The following FRMD4A variants were observed in gnomAD, a reference collection of about 807,000 sequenced individuals.
The protein encoded by FRMD4A is FERM domain-containing protein 4A.
In FRMD4A, 29 loss-of-function variants were observed where a neutral mutation model predicts 129.1. The observed-to-expected ratio is 0.22, with a 90% CI of 0.17 to 0.31. The LOEUF is 0.31. Among genes scored for constraint, FRMD4A ranks in the 10% least tolerant of loss-of-function variants. The pLI, the probability that FRMD4A is intolerant of heterozygous loss-of-function variation, is 1.00. For missense variants in FRMD4A, 1,272 were observed against 1,375.8 expected, an observed-to-expected ratio of 0.92 and a Z score of 1.19; for synonymous variants, 634 against 571.6, an observed-to-expected ratio of 1.11 and a Z score of -1.56.
At chr10:14,029,381 CTGAAAA>C (rs964093331) in intron 2 of FRMD4A, among the ~76,000 whole-genome samples, 1 of 151,942 alleles carries the variant, frequency 6.6e-6, no homozygotes, top group Non-Finnish European at 1.5e-5. Flanking sequence ...TTCTGCAGCC[CTGAAAA>C]TGAATCATCT....
intron 18 of FRMD4A, among the ~76,000 whole-genome samples, chr10:13,664,574 T>C (rs571027449): frequency 1.3e-5 from 2 of 152,354 alleles, no homozygotes; most frequent in South Asian, 4.1e-4. Context: ...TTCGGCATCT[T>C]GGAATCTTCA....
chr10:14,311,395 G>A (rs1407698164), intron 2 of FRMD4A, among the ~76,000 whole-genome samples: 2 of 152,150 alleles, frequency 1.3e-5, no homozygotes, highest in South Asian at 2.1e-4. Context: ...CAATTCAACC[G>A]GCTGAGTGTG....
intron 16 of FRMD4A, among the ~76,000 whole-genome samples, chr10:13,673,649 T>C (rs1427124762): frequency 6.6e-6 from 1 of 151,926 alleles, no homozygotes; most frequent in East Asian, 1.9e-4. Flanking sequence ...TTCAAACACT[T>C]CTAACAAATA....
At chr10:14,209,840 A>G (rs1158594209) in intron 2 of FRMD4A, among the ~76,000 whole-genome samples, 2 of 152,084 alleles carry the variant, frequency 1.3e-5, no homozygotes, top group African/African-American at 4.8e-5. Flanking sequence ...GTGAGCTGTG[A>G]TCATGCCACT....
chr10:14,176,254 C>G (rs1372376836), intron 2 of FRMD4A, among the ~76,000 whole-genome samples: 1 of 152,064 alleles, frequency 6.6e-6, no homozygotes, highest in Non-Finnish European at 1.5e-5. Context: ...CTCATCAAGC[C>G]CTTCCATCTA....
chr10:14,271,824 A>G (rs1589250868), intron 2 of FRMD4A, among the ~76,000 whole-genome samples: 1 of 152,328 alleles, frequency 6.6e-6, no homozygotes, highest in Non-Finnish European at 1.5e-5. Flanking sequence ...TGCACGTCAT[A>G]AGCACTTAGC....
chr10:14,241,960 G>A (rs1004653756), intron 2 of FRMD4A, among the ~76,000 whole-genome samples: 1 of 152,034 alleles, frequency 6.6e-6, no homozygotes, highest in African/African-American at 2.4e-5. Flanking sequence ...TGCTTTGCCT[G>A]TAACACTGAG....
At chr10:13,816,952 G>C (rs1297041635) in intron 3 of FRMD4A, among the ~76,000 whole-genome samples, 1 of 152,226 alleles carries the variant, frequency 6.6e-6, no homozygotes, top group Non-Finnish European at 1.5e-5. Flanking sequence ...TTACATCTAA[G>C]ACTGGCTTTC....
chr10:14,208,627 C>T (rs12262078), intron 2 of FRMD4A, among the ~76,000 whole-genome samples: 1 of 152,026 alleles, frequency 6.6e-6, no homozygotes, highest in Non-Finnish European at 1.5e-5. Flanking sequence ...TCCTGGTAGG[C>T]CACTCACCCC....
intron 6 of FRMD4A, among the ~76,000 whole-genome samples, chr10:13,766,436 T>A (rs1355200785): frequency 6.6e-6 from 1 of 152,182 alleles, no homozygotes. Flanking sequence ...GATTAAAGAT[T>A]CAAGCGCCCC....
chr10:13,999,976 A>G (rs2095635956), intron 2 of FRMD4A, among the ~76,000 whole-genome samples: 1 of 152,254 alleles, frequency 6.6e-6, no homozygotes, highest in African/African-American at 2.4e-5. Context: ...CATTCACTCA[A>G]TAAACACTTG....
chr10:13,779,513 T>C (rs151060611), intron 6 of FRMD4A, among the ~76,000 whole-genome samples: 43 of 152,264 alleles, frequency 2.8e-4, no homozygotes, highest in Non-Finnish European at 4.9e-4. Flanking sequence ...TTCTAACTAA[T>C]CCTCACACTT....
intron 2 of FRMD4A, among the ~76,000 whole-genome samples, chr10:14,324,261 T>C (rs114221815): frequency 6.6e-6 from 1 of 152,344 alleles, no homozygotes; most frequent in African/African-American, 2.4e-5. Context: ...AAATAGTAAC[T>C]AAAAATATTA....
chr10:13,810,103 G>C (rs2093420944), intron 4 of FRMD4A, among the ~76,000 whole-genome samples: 1 of 152,216 alleles, frequency 6.6e-6, no homozygotes, highest in Non-Finnish European at 1.5e-5. Context: ...GAGTCTGTGT[G>C]TGTGTTTGTG....
chr10:14,225,947 T>C (rs1005375742), intron 2 of FRMD4A, among the ~76,000 whole-genome samples: 1 of 152,176 alleles, frequency 6.6e-6, no homozygotes, highest in African/African-American at 2.4e-5. Flanking sequence ...GACCTCTGGG[T>C]GGCCAGATAT....
chr10:14,132,265 G>C (rs1287964331), intron 2 of FRMD4A, among the ~76,000 whole-genome samples: 2 of 152,142 alleles, frequency 1.3e-5, no homozygotes, highest in Non-Finnish European at 2.9e-5. Flanking sequence ...TCCAGCCTGG[G>C]TGACAGAGCT....
chr10:13,815,041 C>G (rs1225772419), intron 3 of FRMD4A, among the ~76,000 whole-genome samples: 1 of 152,102 alleles, frequency 6.6e-6, no homozygotes, highest in Non-Finnish European at 1.5e-5. Context: ...TAATTCCATG[C>G]CTCCCAAGGA....
intron 2 of FRMD4A, among the ~76,000 whole-genome samples, chr10:13,979,983 T>G (rs2095555016): frequency 6.6e-6 from 1 of 152,130 alleles, no homozygotes; most frequent in South Asian, 2.1e-4. Flanking sequence ...CTTTCTTATT[T>G]GGAAAGAAAA....
intron 2 of FRMD4A, among the ~76,000 whole-genome samples, chr10:13,876,084 A>G (rs936575558): frequency 1.3e-5 from 2 of 152,250 alleles, no homozygotes; most frequent in Non-Finnish European, 2.9e-5. Flanking sequence ...TATCACTGCA[A>G]ATCATCAGGA....
Sources: allele counts gnomAD v4.1 joint callset (sites outside exome capture counted in the v4.1 genomes callset), GRCh38; gene constraint gnomAD v4.1.1; transcripts MANE v1.5; gene names NCBI Gene and HGNC (gene_info 2026-07-23, HGNC 2026-07-21).